PLXNA2: variants seen among roughly 807,000 people sequenced by gnomAD.
The protein encoded by PLXNA2 is plexin-A2.
A neutral mutation model predicts 193.5 loss-of-function variants in PLXNA2; 91 were observed. The ratio of observed to expected loss-of-function variants is 0.47; its 90% CI spans 0.40 to 0.56. The LOEUF is 0.56. Ranked by LOEUF, PLXNA2 falls within the 20% of genes least tolerant of loss-of-function variation. The pLI, the probability that PLXNA2 is intolerant of heterozygous loss-of-function variation, is 0.00. For missense variants in PLXNA2, 1,995 were observed against 2,503.2 expected (o/e 0.80, Z 4.33); for synonymous variants, 997 against 1,027.3 (o/e 0.97, Z 0.56).
Position 208,098,917 on chromosome 1 carries a change from C to T in PLXNA2, c.1660G>A (p.Ala554Thr). The T allele has an allele frequency of 1.2e-6, 2 of 1,613,870 alleles. No individual in the cohort carries two copies. The highest frequency in any genetic ancestry group is 1.7e-6 in the Non-Finnish European group (2 of 1,179,984). ...QQAWEPNRFA[A>T]SISQCVSLAV... ...AGGCTCACACACTGGCTGATGCTGG[C>T]AGCAAATCGATTAGGTTCCCAGGCC... The change falls in exon 6 of 32, where the codon GCC (alanine) becomes ACC (threonine). Residue 554 changes from alanine (A) to threonine (T), a missense_variant. Coordinates refer to ENST00000367033, the MANE Select transcript of PLXNA2 (RefSeq NM_025179.4).
chr1:208,075,867 T>C (rs1666129965), intron 12 of PLXNA2, among the ~76,000 whole-genome samples: 2 of 152,048 alleles, frequency 1.3e-5, no homozygotes, highest in African/African-American at 4.8e-5. Context: ...GAGACCAGCC[T>C]GGCCAACATG....
intron 6 of PLXNA2, 33 bp downstream of exon 6, chr1:208,098,813 C>G (rs752738950): frequency 1.2e-6 from 2 of 1,609,070 alleles, no homozygotes; most frequent in South Asian, 2.2e-5. Context: ...GCACTGTATT[C>G]CCTCTCCCCA....
At chr1:208,061,815 C>T (rs1665629658) in intron 12 of PLXNA2, among the ~76,000 whole-genome samples, 1 of 152,030 alleles carries the variant, frequency 6.6e-6, no homozygotes, top group African/African-American at 2.4e-5. Flanking sequence ...CACTTTGTGG[C>T]CAATAGTTAT....
chr1:208,029,961 G>A (rs756874480), intron 29 of PLXNA2: 44 of 985,446 alleles, frequency 4.5e-5, no homozygotes, highest in Non-Finnish European at 5.1e-5. Context: ...AGCCTGAGAT[G>A]ATGTTCCCAG....
At chr1:208,040,573 T>A (rs907633605) in intron 22 of PLXNA2, among the ~76,000 whole-genome samples, 1 of 152,224 alleles carries the variant, frequency 6.6e-6, no homozygotes, top group Non-Finnish European at 1.5e-5. Context: ...ATACGTTGGC[T>A]GTGTGACCTT....
At chr1:208,172,234 G>A (rs1486985179) in intron 3 of PLXNA2, among the ~76,000 whole-genome samples, 1 of 151,830 alleles carries the variant, frequency 6.6e-6, no homozygotes, top group Non-Finnish European at 1.5e-5. Context: ...CACTGTTTGG[G>A]GCTCTGTTAT....
In PLXNA2 at chr1:208,217,266, G is replaced by T; in HGVS notation, c.657C>A (p.Ser219Arg). The T allele has an allele frequency of 6.2e-7, 1 of 1,614,148 alleles. No individual in the cohort carries two copies. The highest frequency in any genetic ancestry group is 8.5e-7 in the Non-Finnish European group (1 of 1,180,024). Residue 219 changes from serine (S) to arginine (R), a missense_variant, in exon 2 of 32, where the codon AGC (serine) becomes AGA (arginine). Ser to Arg is a moderately radical substitution (Grantham distance 110). This residue lies in a region of PLXNA2 where 702 missense variants were observed against 812.9 expected (regional missense o/e 0.86). Coordinates refer to ENST00000367033, the MANE Select transcript of PLXNA2 (RefSeq NM_025179.4). The surrounding 1 kb of genome is among the most constrained non-coding windows in gnomAD (Gnocchi z 4.7). Reference protein sequence around the residue: ...SSAMLDYELHSDFVSSLIKIP... With the variant: ...SSAMLDYELHRDFVSSLIKIP... ...TCTTGATGAGAGAGGAGACAAAATC[G>T]CTGTGTAGCTCATAGTCGAGCATGG...
chr1:208,156,236 G>T (rs1668938290), intron 3 of PLXNA2, among the ~76,000 whole-genome samples: 2 of 152,280 alleles, frequency 1.3e-5, no homozygotes, highest in East Asian at 3.9e-4. Flanking sequence ...TGACTATTAG[G>T]AAGCGAACGG....
chr1:208,212,672 C>T (rs1671000685), intron 2 of PLXNA2, among the ~76,000 whole-genome samples: 1 of 152,224 alleles, frequency 6.6e-6, no homozygotes, highest in South Asian at 2.1e-4. Flanking sequence ...CCTCCCCTGC[C>T]TGCATAGAGC....
rs372829845 is a variant in PLXNA2 at position 208,054,476 on chromosome 1, A to G, written c.2801T>C (p.Ile934Thr). The G allele has an allele frequency of 5.0e-6, 8 of 1,614,130 alleles. No homozygotes were observed. Among genetic ancestry groups the G allele is most frequent in the Non-Finnish European group, 5.9e-6 (7 of 1,180,050 alleles). Reference sequence around the variant, plus strand: ...CATGAACTCTGGCTTACACTCGCCAATACACAGGCGTACTGGCCCGGAGGT... The same window carrying G: ...CATGAACTCTGGCTTACACTCGCCAGTACACAGGCGTACTGGCCCGGAGGT... ...GTTSGPVRLC[I>T]GECKPEFMTK... Residue 934 changes from isoleucine (I) to threonine (T), a missense_variant, in exon 14 of 32, where the codon ATT becomes ACT. Coordinates refer to ENST00000367033, the MANE Select transcript of PLXNA2 (RefSeq NM_025179.4).
chr1:208,198,634 A>T (rs1250598754), intron 3 of PLXNA2, among the ~76,000 whole-genome samples: 1 of 152,220 alleles, frequency 6.6e-6, no homozygotes, highest in Non-Finnish European at 1.5e-5. Flanking sequence ...TGCCGAGGTG[A>T]CAGCTGCCAT....
intron 3 of PLXNA2, among the ~76,000 whole-genome samples, chr1:208,196,889 CT>C (rs1448488904): frequency 8.5e-5 from 13 of 152,090 alleles, no homozygotes; most frequent in Non-Finnish European, 1.6e-4. Context: ...CTCTTTTGTC[CT>C]CTGTATCTGG....
chr1:208,171,938 T>C (rs1201875661), intron 3 of PLXNA2, among the ~76,000 whole-genome samples: 1 of 150,976 alleles, frequency 6.6e-6, no homozygotes, highest in Non-Finnish European at 1.5e-5. Context: ...AAAATGCATA[T>C]GATGCATAGT....
At chr1:208,072,269 G>C (rs571009477) in intron 12 of PLXNA2, among the ~76,000 whole-genome samples, 1 of 152,184 alleles carries the variant, frequency 6.6e-6, no homozygotes, top group Admixed American at 6.5e-5. Context: ...AAAGCTACAT[G>C]GTGGTCATTG....
intron 3 of PLXNA2, among the ~76,000 whole-genome samples, chr1:208,175,856 C>A (rs1454002257): frequency 1.3e-5 from 2 of 152,136 alleles, no homozygotes; most frequent in African/African-American, 4.8e-5. Context: ...CTGGTTCAAA[C>A]CATAGTTAAA....
At chr1:208,240,900 G>A (rs575604976) in intron 1 of PLXNA2, among the ~76,000 whole-genome samples, 1 of 152,202 alleles carries the variant, frequency 6.6e-6, no homozygotes, top group African/African-American at 2.4e-5. Context: ...GTGGTGGGGA[G>A]GTGCTGCTGG....
Position 208,038,542 on chromosome 1 carries a change from T to A in PLXNA2, c.4661-68A>T, listed in dbSNP as rs905100. 5 of 1,269,842 alleles carry A rather than the reference T, an allele frequency of 3.9e-6. No individual in the cohort carries two copies. Among genetic ancestry groups the A allele is most frequent in the African/African-American group, 2.9e-5 (2 of 68,414 alleles). The allele number at this position is 1,269,842 out of a possible 1,614,324, so 78.7% of individuals were successfully genotyped here. On this transcript the variant is annotated intron_variant, in intron 25 of 31. Transcript: ENST00000367033. The surrounding 1 kb of genome is among the most constrained non-coding windows in gnomAD (Gnocchi z 4.1). ...AGGGCTGTGAGCCAGTGTCTCCCGA[T>A]TGCACCTTCTCTAGGGACCTGGCAA... is the stretch of plus-strand genomic sequence containing the variant.
intron 4 of PLXNA2, among the ~76,000 whole-genome samples, chr1:208,121,490 C>T (rs1251147501): frequency 6.6e-6 from 1 of 152,086 alleles, no homozygotes; most frequent in African/African-American, 2.4e-5. Context: ...GGGTGGTTTC[C>T]CTCATGCTGT....
At position 208,026,995 on chromosome 1, in the gene PLXNA2, T is replaced by A. The variant is rs1305909676; in HGVS notation, c.*248A>T. 4.9e-6 allele frequency: 2 copies of A among 411,866 alleles called. No homozygotes were observed. The highest frequency in any genetic ancestry group is 8.8e-6 in the Non-Finnish European group (2 of 226,260). The allele number at this position is 411,866 out of a possible 1,614,324, so 25.5% of individuals were successfully genotyped here. A position where few individuals can be genotyped will look rare whatever the true frequency, so the allele number is the denominator to read the frequency against. On this transcript the variant is annotated 3_prime_UTR_variant, in exon 32 of 32. Transcript: ENST00000367033. ...GTGCCTCTCGGCTTGAAGAACCACC[T>A]TCTCCCGGCCCCGGGTTCTCTGGTG...
Sources: allele counts gnomAD v4.1 joint callset (sites outside exome capture counted in the v4.1 genomes callset), GRCh38; gene constraint gnomAD v4.1.1; regional missense constraint gnomAD v4.1.1; non-coding constraint Gnocchi (gnomAD v3.1); transcripts MANE v1.5; gene names NCBI Gene and HGNC (gene_info 2026-07-23, HGNC 2026-07-21).